Variants in PRKD2 observed in about 807,000 individuals in gnomAD.
PRKD2 encodes serine/threonine-protein kinase D2.
PRKD2 carries 22 observed loss-of-function variants against 86.0 expected under a neutral mutation model. That is an observed-to-expected ratio of 0.26 (90% CI 0.18 to 0.37). PRKD2 has a LOEUF of 0.37. Ranked by LOEUF, PRKD2 falls within the 10% of genes least tolerant of loss-of-function variation. The pLI is 1.00. For missense variants in PRKD2, 818 were observed against 1,199.2 expected (o/e 0.68, Z 4.70); for synonymous variants, 509 against 510.9 (o/e 1.00, Z 0.05).
At position 46,701,049 on chromosome 19, in the gene PRKD2, G is replaced by T. The variant is rs1258415298; in HGVS notation, c.953C>A (p.Ala318Asp). 6.2e-7 allele frequency: 1 copy of T among 1,614,184 alleles called. No individual in the cohort carries two copies. Among genetic ancestry groups the T allele is most frequent in the Non-Finnish European group, 8.5e-7 (1 of 1,180,026 alleles). Residue 318 changes from alanine to aspartate, a missense_variant, in exon 6 of 18, where the codon GCC becomes GAC. Physicochemically the swap from Ala to Asp is moderately radical, Grantham distance 126. This residue lies in a region of PRKD2 where 403 missense variants were observed against 518.6 expected (regional missense o/e 0.78). Coordinates refer to ENST00000291281, the MANE Select transcript of PRKD2 (RefSeq NM_016457.5). ...TRVPNDCLGE[A>D]LINGDVPMEE... ...CAGCCTCTCACCTCCATTGATAAGG[G>T]CCTCCCCCAGGCAGTCATTAGGGAC...
chr19:46,681,841 T>A (rs2053312642), intron 14 of PRKD2, 93 bp from the exon 15 acceptor site: 3 of 305,454 alleles, frequency 9.8e-6, no homozygotes, highest in Admixed American at 5.5e-5. Flanking sequence ...CATCCATACT[T>A]TTTTTTTTTT....
intron 3 of PRKD2, chr19:46,710,669 C>G (rs1267657317): frequency 1.3e-5 from 7 of 520,170 alleles, no homozygotes; most frequent in Non-Finnish European, 2.4e-5. Flanking sequence ...CTACTTGTCC[C>G]TCCCAGCTCC....
chr19:46,692,861 A>C (rs1254997746), intron 10 of PRKD2, among the ~76,000 whole-genome samples: 1 of 152,068 alleles, frequency 6.6e-6, no homozygotes, highest in Non-Finnish European at 1.5e-5. Flanking sequence ...AATCCTCCTC[A>C]TCCTCAAGTG....
intron 9 of PRKD2, 117 bp from the exon 10 acceptor site, chr19:46,694,250 G>A: frequency 3.0e-6 from 4 of 1,328,234 alleles, no homozygotes; most frequent in Non-Finnish European, 4.1e-6. Flanking sequence ...TTTGCACAGT[G>A]GTCAGACAAG....
rs10528388 is a variant in PRKD2 at position 46,703,958 on chromosome 19, AACACACAC to A, written c.889+203_889+210del. ...CACCCTGTCTCCAAAAAACAACAAC[AACACACAC>A]ACACACACACACACACACACACACA... is the stretch of plus-strand genomic sequence containing the variant. On this transcript the variant is annotated intron_variant, in intron 5 of 17. Coordinates refer to ENST00000291281, the MANE Select transcript of PRKD2 (RefSeq NM_016457.5). 5.6e-3 allele frequency among the ~76,000 whole-genome samples: 745 copies of A among 133,734 alleles called. 7 individuals carry two copies. The highest frequency in any genetic ancestry group is 7.9e-3 in the Non-Finnish European group (503 of 63,470). 87.7% of individuals were successfully genotyped at this position (133,734 alleles called of 152,430 possible).
At chr19:46,687,931 C>T (rs1462676781) in intron 14 of PRKD2, among the ~76,000 whole-genome samples, 1 of 152,250 alleles carries the variant, frequency 6.6e-6, no homozygotes, top group African/African-American at 2.4e-5. Flanking sequence ...TGCAGTGGCA[C>T]GGTCATAGCT....
At chr19:46,687,309 T>C (rs1213357440) in intron 14 of PRKD2, among the ~76,000 whole-genome samples, 1 of 151,840 alleles carries the variant, frequency 6.6e-6, no homozygotes, top group Non-Finnish European at 1.5e-5. Context: ...GGAGAATTGC[T>C]TGAACCCGGG....
intron 9 of PRKD2, 138 bp from the exon 10 acceptor site, chr19:46,694,271 T>C: frequency 8.4e-7 from 1 of 1,194,110 alleles, no homozygotes; most frequent in Non-Finnish European, 1.2e-6. Context: ...TTCCCAGTAA[T>C]TCTAAGCCTG....
chr19:46,680,795 C>A (rs1362718639), intron 15 of PRKD2, among the ~76,000 whole-genome samples: 1 of 150,898 alleles, frequency 6.6e-6, no homozygotes, highest in Non-Finnish European at 1.5e-5. Flanking sequence ...ACTTGAACTC[C>A]TGGTCTCAAG....
At chr19:46,680,568 C>T (rs2053282981) in intron 15 of PRKD2, among the ~76,000 whole-genome samples, 1 of 152,096 alleles carries the variant, frequency 6.6e-6, no homozygotes, top group Admixed American at 6.6e-5. Context: ...GGATTATAGG[C>T]ATGAGCCGCT....
intron 14 of PRKD2, among the ~76,000 whole-genome samples, chr19:46,684,029 A>AT (rs10659589): frequency 0.77 from 116,548 of 151,402 alleles, 45,295 homozygotes; most frequent in African/African-American, 0.89. Context: ...CACCAGAAGC[A>AT]ATTGTACAAC....
rs1465464982 is a variant in PRKD2 at position 46,674,746 on chromosome 19, G to A, written c.2425-11C>T. 5 of 1,601,610 alleles carry A rather than the reference G, an allele frequency of 3.1e-6. No individual in the cohort carries two copies. Among genetic ancestry groups the A allele is most frequent in the Non-Finnish European group, 4.2e-6 (5 of 1,178,722 alleles). On this transcript the variant is annotated splice_polypyrimidine_tract_variant and intron_variant, in intron 17 of 17. Transcript: ENST00000291281. Reference sequence around the variant, plus strand: ...CCACGTCTGGTACTCCTGGGCCCGAGAGAACTGGGGTTAGCTTGGGGTCTG... The same window carrying A: ...CCACGTCTGGTACTCCTGGGCCCGAAAGAACTGGGGTTAGCTTGGGGTCTG...
intron 16 of PRKD2, among the ~76,000 whole-genome samples, chr19:46,676,823 G>A (rs991308245): frequency 1.1e-4 from 16 of 152,194 alleles, no homozygotes; most frequent in African/African-American, 3.9e-4. Context: ...ACTTTGGGAG[G>A]CTGAAGCGGG....
At chr19:46,684,396 A>G (rs1166448594) in intron 14 of PRKD2, among the ~76,000 whole-genome samples, 1 of 152,128 alleles carries the variant, frequency 6.6e-6, no homozygotes. Flanking sequence ...ACCTCGACTC[A>G]CCACAAATTC....
intron 13 of PRKD2, 86 bp from the exon 14 acceptor site, chr19:46,689,784 A>G (rs2053457199): frequency 4.7e-6 from 7 of 1,484,060 alleles, no homozygotes; most frequent in Non-Finnish European, 6.5e-6. Context: ...GAGGATGACA[A>G]ACAAGGAGAA....
At chr19:46,702,045 T>G (rs200702937) in intron 5 of PRKD2, among the ~76,000 whole-genome samples, 1,787 of 150,436 alleles carry the variant, frequency 0.012, 37 homozygotes, top group South Asian at 0.062. Context: ...TTTGTTTTTT[T>G]TTTTTTTTTT....
chr19:46,679,220 C>T (rs1039998740), intron 15 of PRKD2, among the ~76,000 whole-genome samples: 1 of 152,086 alleles, frequency 6.6e-6, no homozygotes, highest in African/African-American at 2.4e-5. Context: ...GTCCCAGCTA[C>T]TCAGGAGGCT....
At chr19:46,677,753 C>T (rs952146437) in intron 16 of PRKD2, among the ~76,000 whole-genome samples, 2 of 150,982 alleles carry the variant, frequency 1.3e-5, no homozygotes, top group African/African-American at 4.8e-5. Context: ...GCTCCCTTCT[C>T]CTCCCCACTC....
At chr19:46,700,072 C>A (rs977900115) in intron 7 of PRKD2, among the ~76,000 whole-genome samples, 1 of 145,034 alleles carries the variant, frequency 6.9e-6, no homozygotes, top group African/African-American at 2.6e-5. Context: ...CCTGTCTCTA[C>A]TAAAAATACA....
Sources: allele counts gnomAD v4.1 joint callset (sites outside exome capture counted in the v4.1 genomes callset), GRCh38; gene constraint gnomAD v4.1.1; regional missense constraint gnomAD v4.1.1; transcripts MANE v1.5; gene names NCBI Gene and HGNC (gene_info 2026-07-23, HGNC 2026-07-21).